The following RALGAPA1 variants were observed in gnomAD, a reference collection of about 807,000 sequenced individuals.
RALGAPA1 encodes the protein Ral GTPase activating protein catalytic subunit alpha 1.
RALGAPA1 carries 52 observed loss-of-function variants against 269.6 expected under a neutral mutation model. The ratio of observed to expected loss-of-function variants is 0.19; its 90% confidence interval spans 0.15 to 0.24. RALGAPA1 has a LOEUF of 0.24. Among genes scored for constraint, RALGAPA1 ranks in the 10% least tolerant of loss-of-function variants. The probability of loss-of-function intolerance (pLI) is 1.00; values close to 1 mark genes in which losing one functional copy is unlikely to be tolerated. For missense variants in RALGAPA1, 1,917 were observed against 3,013.9 expected (o/e 0.64, Z 8.52); for synonymous variants, 817 against 1,008.3 (o/e 0.81, Z 3.60).
intron 35 of RALGAPA1, among the ~76,000 whole-genome samples, chr14:35,616,568 G>A (rs1041530896): frequency 7.9e-5 from 12 of 152,314 alleles, no homozygotes; most frequent in Middle Eastern, 6.8e-3. Context: ...GAGCCCTAAT[G>A]TAAACTTTGG....
At chr14:35,807,709 A>G (rs1001978533) in intron 1 of RALGAPA1, 1 of 152,246 alleles carries the variant, frequency 6.6e-6, no homozygotes, top group Non-Finnish European at 1.5e-5. Context: ...TATTGGTGGT[A>G]TCCTGGTGGT....
At chr14:35,609,618 A>G (rs1335489577) in intron 35 of RALGAPA1, among the ~76,000 whole-genome samples, 1 of 152,166 alleles carries the variant, frequency 6.6e-6, no homozygotes, top group East Asian at 1.9e-4. Context: ...TTTCATACCA[A>G]TAACCAAACC....
intron 35 of RALGAPA1, among the ~76,000 whole-genome samples, chr14:35,609,009 G>A (rs1045441453): frequency 6.6e-6 from 1 of 152,098 alleles, no homozygotes; most frequent in South Asian, 2.1e-4. Context: ...GGTGGATCAC[G>A]AGGTCAGGAG....
chr14:35,770,020 A>T (rs2074495766), intron 4 of RALGAPA1, among the ~76,000 whole-genome samples: 1 of 152,186 alleles, frequency 6.6e-6, no homozygotes, highest in Non-Finnish European at 1.5e-5. Flanking sequence ...ATAAACAGAG[A>T]GGCAAACTGA....
intron 3 of RALGAPA1, among the ~76,000 whole-genome samples, chr14:35,771,787 C>T (rs897008838): frequency 1.3e-5 from 2 of 151,882 alleles, no homozygotes; most frequent in South Asian, 4.1e-4. Flanking sequence ...CCTCCTGCCT[C>T]AGTCTCCCAA....
intron 16 of RALGAPA1, among the ~76,000 whole-genome samples, chr14:35,712,654 G>A (rs987272774): frequency 1.3e-5 from 2 of 152,048 alleles, no homozygotes; most frequent in Non-Finnish European, 2.9e-5. Context: ...CTACAGGCAC[G>A]CGCCACTGCA....
At chr14:35,645,347 G>A (rs61989606) in intron 31 of RALGAPA1, among the ~76,000 whole-genome samples, 1 of 14,098 alleles carries the variant, frequency 7.1e-5, no homozygotes, top group African/African-American at 5.7e-4. Context: ...ATAGAGATGG[G>A]TGTGTGTGTG....
At chr14:35,709,541 T>G (rs1411768274) in intron 16 of RALGAPA1, among the ~76,000 whole-genome samples, 1 of 152,124 alleles carries the variant, frequency 6.6e-6, no homozygotes, top group Non-Finnish European at 1.5e-5. Context: ...TCTCTAGTGA[T>G]TTCCTATTTT....
chr14:35,563,872 T>C (rs1019009408), intron 39 of RALGAPA1, among the ~76,000 whole-genome samples: 2 of 152,110 alleles, frequency 1.3e-5, no homozygotes, highest in African/African-American at 4.8e-5. Flanking sequence ...AGTGCAATGG[T>C]ATGATCTCGG....
intron 28 of RALGAPA1, 22 bp downstream of exon 28, chr14:35,659,116 A>T: frequency 6.4e-7 from 1 of 1,551,210 alleles, no homozygotes. Context: ...AGTTATACTC[A>T]GTCTAAGAAT....
chr14:35,560,080 A>C (rs2056053617), intron 39 of RALGAPA1, among the ~76,000 whole-genome samples: 1 of 152,248 alleles, frequency 6.6e-6, no homozygotes, highest in African/African-American at 2.4e-5. Flanking sequence ...CGATCAATAA[A>C]CATTTTGGAA....
intron 16 of RALGAPA1, among the ~76,000 whole-genome samples, chr14:35,713,947 T>C (rs2068583168): frequency 6.6e-6 from 1 of 151,754 alleles, no homozygotes. Flanking sequence ...AAACAAAAAT[T>C]AGCCAGGCGT....
intron 39 of RALGAPA1, among the ~76,000 whole-genome samples, chr14:35,565,782 C>T (rs940603922): frequency 2.6e-5 from 4 of 151,950 alleles, no homozygotes; most frequent in African/African-American, 9.7e-5. Context: ...ACAGTATTTA[C>T]CTAAAAGTAT....
intron 36 of RALGAPA1, among the ~76,000 whole-genome samples, chr14:35,601,076 C>A (rs2059262906): frequency 6.6e-6 from 1 of 152,148 alleles, no homozygotes; most frequent in Non-Finnish European, 1.5e-5. Flanking sequence ...CAGGGAAGAT[C>A]CTCATTACTG....
At chr14:35,651,898 A>C in intron 30 of RALGAPA1, 25 bp from the exon 31 acceptor site, 1 of 1,580,646 alleles carries the variant, frequency 6.3e-7, no homozygotes, top group Non-Finnish European at 8.6e-7. Context: ...AAATTTTTTT[A>C]AAAGCTCTAT....
intron 39 of RALGAPA1, among the ~76,000 whole-genome samples, chr14:35,557,375 C>T (rs1371646665): frequency 1.3e-5 from 2 of 149,790 alleles, no homozygotes. Context: ...CTTAAATGTG[C>T]ACTAATTTAA....
At chr14:35,589,401 T>C (rs2138888029) in intron 37 of RALGAPA1, among the ~76,000 whole-genome samples, 1 of 152,204 alleles carries the variant, frequency 6.6e-6, no homozygotes, top group South Asian at 2.1e-4. Flanking sequence ...GAGAATAGAT[T>C]TTAAGTGTTC....
At chr14:35,763,507 T>G (rs1224163519) in intron 4 of RALGAPA1, among the ~76,000 whole-genome samples, 2 of 152,168 alleles carry the variant, frequency 1.3e-5, no homozygotes, top group Non-Finnish European at 2.9e-5. Context: ...CTGTTTCATA[T>G]AACTCATTTA....
At chr14:35,766,798 G>C (rs1338849094) in intron 4 of RALGAPA1, 1 of 503,640 alleles carries the variant, frequency 2.0e-6, no homozygotes, top group Non-Finnish European at 4.0e-6. Flanking sequence ...CCACCACCTT[G>C]AGTAAGGCAG....
Sources: gnomAD v4.1 joint callset for allele counts (sites outside exome capture counted in the v4.1 genomes callset) on GRCh38, gnomAD v4.1.1 for gene constraint, MANE v1.5 for transcripts, NCBI Gene and HGNC (gene_info 2026-07-23, HGNC 2026-07-21) for gene names.